KCNJ6: variants seen among roughly 807,000 people sequenced by gnomAD.
KCNJ6 encodes G protein-activated inward rectifier potassium channel 2.
Under a neutral mutation model 34.2 loss-of-function variants are expected in KCNJ6, and 9 were observed. That is an observed-to-expected ratio of 0.26 (90% CI 0.16 to 0.46). KCNJ6 has a LOEUF of 0.46. KCNJ6 is among the 20% of genes least tolerant of loss of function. KCNJ6 has a pLI of 1.00. For missense variants in KCNJ6, 236 were observed against 531.3 expected (o/e 0.44, Z 5.46); for synonymous variants, 196 against 207.1 (o/e 0.95, Z 0.46).
At chr21:37,793,585 C>A (rs997338278) in intron 2 of KCNJ6, among the ~76,000 whole-genome samples, 2 of 143,168 alleles carry the variant, frequency 1.4e-5, no homozygotes, top group African/African-American at 5.1e-5. Flanking sequence ...TGAGAGCTAT[C>A]AAGCCTCTAA....
At chr21:37,864,744 C>T (rs554178270) in intron 1 of KCNJ6, among the ~76,000 whole-genome samples, 9 of 152,324 alleles carry the variant, frequency 5.9e-5, no homozygotes, top group African/African-American at 1.7e-4. Context: ...TCCAAAGTCT[C>T]CTCTAAAAAT....
chr21:37,900,341 A>G (rs781237012), intron 1 of KCNJ6, among the ~76,000 whole-genome samples: 7 of 152,212 alleles, frequency 4.6e-5, no homozygotes, highest in Non-Finnish European at 1.0e-4. Context: ...TTTTAGAATC[A>G]CTCACAATGC....
chr21:37,686,741 A>T (rs963510267), intron 3 of KCNJ6, among the ~76,000 whole-genome samples: 1 of 152,094 alleles, frequency 6.6e-6, no homozygotes, highest in African/African-American at 2.4e-5. Flanking sequence ...TGCTGGGATT[A>T]CAGGCGTGAG....
chr21:37,838,679 G>A (rs977052010), intron 2 of KCNJ6, among the ~76,000 whole-genome samples: 10 of 152,196 alleles, frequency 6.6e-5, no homozygotes, highest in Non-Finnish European at 1.2e-4. Flanking sequence ...ATTTTGTGAT[G>A]GCACTGGCCA....
At chr21:37,765,832 T>G (rs943715166) in intron 2 of KCNJ6, among the ~76,000 whole-genome samples, 2 of 152,258 alleles carry the variant, frequency 1.3e-5, no homozygotes, top group African/African-American at 4.8e-5. Context: ...GCATGGCAAC[T>G]ATCCTCATTT....
chr21:37,792,361 G>A (rs748850193), intron 2 of KCNJ6, among the ~76,000 whole-genome samples: 1 of 152,136 alleles, frequency 6.6e-6, no homozygotes, highest in Non-Finnish European at 1.5e-5. Context: ...AATTATTTTT[G>A]TTTCCTTTAA....
At chr21:37,733,820 T>C (rs1393718189) in intron 2 of KCNJ6, among the ~76,000 whole-genome samples, 2 of 152,202 alleles carry the variant, frequency 1.3e-5, no homozygotes, top group African/African-American at 4.8e-5. Context: ...AGTGTTGCAT[T>C]TCCCCAGGTT....
At chr21:37,838,023 G>C (rs1051002514) in intron 2 of KCNJ6, among the ~76,000 whole-genome samples, 5 of 152,128 alleles carry the variant, frequency 3.3e-5, no homozygotes, top group Non-Finnish European at 5.9e-5. Context: ...TCGGACATTG[G>C]GTACGACTCT....
chr21:37,867,833 G>A lies in KCNJ6; in HGVS notation c.-27-27124C>T, dbSNP rs79254262. ...CCAGGGGGCAGAAGGATCATCCAAG[G>A]TCATGATCTCTGAGATATTAATGGT... On this transcript the variant is annotated intron_variant, in intron 1 of 3. Transcript: ENST00000609713. Among the ~76,000 whole-genome samples the A allele has an allele frequency of 0.013, 1,989 of 152,314 alleles. 101 individuals carry two copies. The East Asian group carries it at 0.15, about 11-fold the overall frequency.
At chr21:37,840,621 A>G in intron 2 of KCNJ6, 37 bp downstream of exon 2, 1 of 1,515,398 alleles carries the variant, frequency 6.6e-7, no homozygotes, top group Non-Finnish European at 9.1e-7. Flanking sequence ...TTTCCCATTC[A>G]AAACAAAAAA....
chr21:37,743,797 A>T lies in KCNJ6; in HGVS notation c.26-28666T>A, dbSNP rs537402324. 1.1e-4 allele frequency among the ~76,000 whole-genome samples: 16 copies of T among 152,234 alleles called. No homozygotes were observed. The South Asian group carries it at 3.3e-3, about 32-fold the overall frequency. On this transcript the variant is annotated intron_variant, in intron 2 of 3. Transcript: ENST00000609713. ...AAGACTATGACAGTACTAGACAGAGATACAAACACCTACTTTCCATGGGGA... is the reference window on the plus strand; with the variant it reads ...AAGACTATGACAGTACTAGACAGAGTTACAAACACCTACTTTCCATGGGGA...
At chr21:37,914,005 C>CA (rs1555855533) in intron 1 of KCNJ6, among the ~76,000 whole-genome samples, 1 of 78,438 alleles carries the variant, frequency 1.3e-5, no homozygotes, top group Non-Finnish European at 2.7e-5. Context: ...AGAGGCGGAT[C>CA]GGGGTGTGTG....
rs1356155844 is a variant in KCNJ6 at position 37,916,174 on chromosome 21, G to C, written c.-318C>G. ...AGCCAGGTGCGGCCGTCTCCGGACTGGCTCCCTCTGGCCGAGCGCGGAGAG... is the reference window on the plus strand; with the variant it reads ...AGCCAGGTGCGGCCGTCTCCGGACTCGCTCCCTCTGGCCGAGCGCGGAGAG... On this transcript the variant is annotated 5_prime_UTR_variant, in exon 1 of 4. Transcript: ENST00000609713. 1 of 152,128 alleles carries C rather than the reference G, an allele frequency of 6.6e-6. No homozygotes were observed. The highest frequency in any genetic ancestry group is 1.5e-5 in the Non-Finnish European group (1 of 68,066). 9.4% of individuals were successfully genotyped at this position (152,128 alleles called of 1,614,324 possible). A position where few individuals can be genotyped will look rare whatever the true frequency, so the allele number is the denominator to read the frequency against.
intron 2 of KCNJ6, among the ~76,000 whole-genome samples, chr21:37,793,135 T>C (rs942404372): frequency 2.6e-5 from 4 of 152,238 alleles, no homozygotes; most frequent in African/African-American, 9.6e-5. Context: ...AATTTAGAGT[T>C]AGAAAATCTT....
chr21:37,877,784 G>C (rs2123619556), intron 1 of KCNJ6, among the ~76,000 whole-genome samples: 1 of 152,360 alleles, frequency 6.6e-6, no homozygotes, highest in South Asian at 2.1e-4. Context: ...CTGTGGATTT[G>C]AACACTCCAT....
In KCNJ6 at chr21:37,706,583, C is replaced by T. The variant is rs116986891; in HGVS notation, c.946+7628G>A. Reference sequence around the variant, plus strand: ...AAACAGCTGCGGCTGCCATGTAGTGCGAATGAGAAATAAACCACTGTTTTC... The same window carrying T: ...AAACAGCTGCGGCTGCCATGTAGTGTGAATGAGAAATAAACCACTGTTTTC... On this transcript the variant is annotated intron_variant, in intron 3 of 3. Coordinates refer to ENST00000609713, the MANE Select transcript of KCNJ6 (RefSeq NM_002240.5). Among the ~76,000 whole-genome samples the T allele has an allele frequency of 4.7e-3, 573 of 123,034 alleles. 2 individuals carry two copies. The highest frequency in any genetic ancestry group is 0.015 in the Middle Eastern group (4 of 260). 80.7% of individuals were successfully genotyped at this position (123,034 alleles called of 152,430 possible).
chr21:37,780,793 C>G (rs534500490), intron 2 of KCNJ6, among the ~76,000 whole-genome samples: 1 of 151,966 alleles, frequency 6.6e-6, no homozygotes, highest in Non-Finnish European at 1.5e-5. Flanking sequence ...TTGCATGATG[C>G]GATTATTATG....
rs2054267099 is a variant in KCNJ6 at position 37,616,476 on chromosome 21, C to T, written c.*8683G>A. ...CACTGGACCAGTCCAGCTGTCCTTT[C>T]AGCACAAGACCTAACTTTATGCTGC... On this transcript the variant is annotated 3_prime_UTR_variant, in exon 4 of 4. Coordinates refer to ENST00000609713, the MANE Select transcript of KCNJ6 (RefSeq NM_002240.5). The T allele has an allele frequency of 1.3e-5, 2 of 150,476 alleles. No homozygotes were observed. Among genetic ancestry groups the T allele is most frequent in the Admixed American group, 6.6e-5 (1 of 15,048 alleles). The allele number at this position is 150,476 out of a possible 1,614,324, so 9.3% of individuals were successfully genotyped here. A position where few individuals can be genotyped will look rare whatever the true frequency, so the allele number is the denominator to read the frequency against.
At chr21:37,773,738 T>A (rs914797717) in intron 2 of KCNJ6, among the ~76,000 whole-genome samples, 6 of 152,172 alleles carry the variant, frequency 3.9e-5, no homozygotes, top group Non-Finnish European at 7.3e-5. Flanking sequence ...GGGCTGACAG[T>A]ACTAAGAAAT....
Sources: allele counts gnomAD v4.1 joint callset (sites outside exome capture counted in the v4.1 genomes callset), GRCh38; gene constraint gnomAD v4.1.1; transcripts MANE v1.5; gene names NCBI Gene and HGNC (gene_info 2026-07-23, HGNC 2026-07-21).